Variants in PDK1 observed in about 807,000 individuals in gnomAD.
The protein encoded by PDK1 is [Pyruvate dehydrogenase (acetyl-transferring)] kinase isozyme 1, mitochondrial.
A neutral mutation model predicts 54.2 loss-of-function variants in PDK1; 39 were observed. The ratio of observed to expected loss-of-function variants is 0.72; its 90% CI spans 0.56 to 0.94. The LOEUF (loss-of-function observed/expected upper bound fraction) is 0.94, where lower values mean the gene tolerates loss of function less well. Among genes scored for constraint, PDK1 ranks in the 40% least tolerant of loss-of-function variants. PDK1 has a pLI of 0.00. For missense variants in PDK1, 552 were observed against 566.0 expected (o/e 0.98, Z 0.25); for synonymous variants, 221 against 207.1 (o/e 1.07, Z -0.58).
In PDK1 at chr2:172,576,085, G is replaced by A. The variant is rs551680540; in HGVS notation, c.945+5261G>A. On this transcript the variant is annotated intron_variant, in intron 8 of 10. Coordinates refer to ENST00000282077, the MANE Select transcript of PDK1 (RefSeq NM_002610.5). ...TAGGACTGCAGGCACCCGCCACCAT[G>A]CCTGGCTAATTTTTGTATTTTTAGT... 5.1e-3 allele frequency among the ~76,000 whole-genome samples: 774 copies of A among 152,066 alleles called. 14 individuals carry two copies. The highest frequency in any genetic ancestry group is 0.018 in the African/African-American group (736 of 41,508).
chr2:172,556,662 G>A (rs1574453722), intron 1 of PDK1: 1 of 259,206 alleles, frequency 3.9e-6, no homozygotes, highest in East Asian at 7.1e-5. Context: ...CAAGGAGTCG[G>A]ACCCGGGTGG....
At chr2:172,640,466 G>A in the PDK1 span, among the ~76,000 whole-genome samples, 2 of 152,154 alleles carry the variant, frequency 1.3e-5, no homozygotes, top group African/African-American at 4.8e-5. Flanking sequence ...TGGCTACACA[G>A]AACCCTCAGA....
chr2:172,631,971 G>C, the PDK1 span, among the ~76,000 whole-genome samples: 2 of 151,980 alleles, frequency 1.3e-5, no homozygotes, highest in African/African-American at 4.8e-5. Flanking sequence ...AAGTATTCAG[G>C]TCTCTTAAAA....
upstream of PDK1, chr2:172,555,420 A>C (rs989257983): frequency 3.3e-5 from 5 of 152,208 alleles, no homozygotes; most frequent in African/African-American, 1.2e-4. Flanking sequence ...CAGAGAGGTT[A>C]AACAGCTCAC....
chr2:172,701,975 T>C, the PDK1 span, among the ~76,000 whole-genome samples: 4 of 152,190 alleles, frequency 2.6e-5, no homozygotes, highest in Non-Finnish European at 5.9e-5. Flanking sequence ...ATGTTACTAT[T>C]TCTTCTTAAT....
chr2:172,634,157 C>T, the PDK1 span, among the ~76,000 whole-genome samples: 11 of 150,808 alleles, frequency 7.3e-5, no homozygotes, highest in South Asian at 4.2e-4. Context: ...GGATTACAGG[C>T]GTGAGCCGAT....
chr2:172,615,716 A>G, the PDK1 span, among the ~76,000 whole-genome samples: 2 of 152,226 alleles, frequency 1.3e-5, no homozygotes, highest in African/African-American at 4.8e-5. Flanking sequence ...TAATTCCGTG[A>G]ACACTTTTTG....
chr2:172,566,989 G>T, intron 6 of PDK1, 56 bp downstream of exon 6: 1 of 1,167,914 alleles, frequency 8.6e-7, no homozygotes. Flanking sequence ...CTTGATAAGG[G>T]ATAAGAATTT....
chr2:172,566,749 C>A, intron 5 of PDK1, 107 bp from the exon 6 acceptor site: 3 of 440,256 alleles, frequency 6.8e-6, no homozygotes, highest in Non-Finnish European at 1.2e-5. Flanking sequence ...ATATTTTCTT[C>A]TGTAGAGAGT....
chr2:172,680,544 T>C, the PDK1 span, among the ~76,000 whole-genome samples: 1 of 152,034 alleles, frequency 6.6e-6, no homozygotes, highest in Non-Finnish European at 1.5e-5. Context: ...TATTTATTTT[T>C]TGTGGTAGAG....
the PDK1 span, among the ~76,000 whole-genome samples, chr2:172,714,826 T>C: frequency 6.6e-6 from 1 of 152,200 alleles, no homozygotes; most frequent in East Asian, 1.9e-4. Context: ...TATTAATGAC[T>C]ATTTATAGTA....
chr2:172,559,319 C>T (rs1261448163), intron 2 of PDK1, among the ~76,000 whole-genome samples: 1 of 152,096 alleles, frequency 6.6e-6, no homozygotes, highest in Non-Finnish European at 1.5e-5. Context: ...GGGCTTGTGC[C>T]CTGAATCGTG....
At chr2:172,663,816 AC>A in the PDK1 span, among the ~76,000 whole-genome samples, 1 of 151,876 alleles carries the variant, frequency 6.6e-6, no homozygotes, top group Non-Finnish European at 1.5e-5. Context: ...TGTCTTACTC[AC>A]CCTTCAAACT....
At chr2:172,618,484 G>A in the PDK1 span, among the ~76,000 whole-genome samples, 1 of 152,152 alleles carries the variant, frequency 6.6e-6, no homozygotes, top group Non-Finnish European at 1.5e-5. Flanking sequence ...CATCTGGTAG[G>A]AAAGAGTAGA....
chr2:172,565,213 T>G, intron 5 of PDK1, 140 bp downstream of exon 5: 1 of 615,322 alleles, frequency 1.6e-6, no homozygotes, highest in South Asian at 2.0e-5. Flanking sequence ...CCTTATAGTA[T>G]TATTTGTGCA....
At chr2:172,686,885 CTAT>C in the PDK1 span, among the ~76,000 whole-genome samples, 1 of 152,166 alleles carries the variant, frequency 6.6e-6, no homozygotes, top group Non-Finnish European at 1.5e-5. Flanking sequence ...AATAAGATTA[CTAT>C]TATTAGACAA....
At chr2:172,569,040 A>G (rs1358776983) in intron 7 of PDK1, among the ~76,000 whole-genome samples, 1 of 152,230 alleles carries the variant, frequency 6.6e-6, no homozygotes, top group Non-Finnish European at 1.5e-5. Context: ...TTGAATCCCA[A>G]TTATGGCTCT....
chr2:172,656,103 C>A, the PDK1 span, among the ~76,000 whole-genome samples: 1 of 152,082 alleles, frequency 6.6e-6, no homozygotes, highest in Non-Finnish European at 1.5e-5. Context: ...AGATTGTTTC[C>A]ATTTTTCTCT....
the PDK1 span, among the ~76,000 whole-genome samples, chr2:172,641,101 C>CCCTT: frequency 8.1e-6 from 1 of 123,750 alleles, no homozygotes; most frequent in East Asian, 2.6e-4. Context: ...CTCCCTCCCT[C>CCCTT]CCTTCCTTCC....
Sources: allele counts gnomAD v4.1 joint callset (sites outside exome capture counted in the v4.1 genomes callset), GRCh38; gene constraint gnomAD v4.1.1; transcripts MANE v1.5; gene names NCBI Gene and HGNC (gene_info 2026-07-23, HGNC 2026-07-21).